Variants in PARD3B observed in about 807,000 individuals in gnomAD.
The protein encoded by PARD3B is partitioning defective 3 homolog B.
A neutral mutation model predicts 130.2 loss-of-function variants in PARD3B; 103 were observed. The observed-to-expected ratio is 0.79, with a 90% CI of 0.67 to 0.93. PARD3B has a LOEUF of 0.93. Among genes scored for constraint, PARD3B ranks in the 40% least tolerant of loss-of-function variants. The pLI is 0.00. For missense variants in PARD3B, 1,609 were observed against 1,499.2 expected, an observed-to-expected ratio of 1.07 and a Z score of -1.21; for synonymous variants, 583 against 553.2, an observed-to-expected ratio of 1.05 and a Z score of -0.76.
At chr2:204,998,374 GTATATATGTGTGTGTATATA>G (rs1694476012) in intron 3 of PARD3B, among the ~76,000 whole-genome samples, 1 of 78,792 alleles carries the variant, frequency 1.3e-5, no homozygotes, top group Non-Finnish European at 2.7e-5. Context: ...GTGTGTGTGT[GTATATATGTGTGTGTATATA>G]TGTATATATG....
chr2:204,979,388 T>C (rs1203637635), intron 3 of PARD3B, among the ~76,000 whole-genome samples: 1 of 152,188 alleles, frequency 6.6e-6, no homozygotes, highest in East Asian at 1.9e-4. Context: ...ACATGCTTTA[T>C]CATGTCAACC....
Position 204,816,689 on chromosome 2 carries a change from G to A in PARD3B, c.222+130407G>A, listed in dbSNP as rs2043160202. Among the ~76,000 whole-genome samples, 2 of 151,432 alleles carry A rather than the reference G, an allele frequency of 1.3e-5. 1 individual carries two copies. Among genetic ancestry groups the A allele is most frequent in the South Asian group, 4.1e-4 (2 of 4,820 alleles). ...TTAAGATTATTTTTTTTTTACCACT[G>A]ATTTTAAATGATTTGATTATGTTGT... On this transcript the variant is annotated intron_variant, in intron 2 of 22. Coordinates refer to ENST00000406610, the MANE Select transcript of PARD3B (RefSeq NM_001302769.2).
At chr2:204,883,013 G>A (rs1575206652) in intron 2 of PARD3B, among the ~76,000 whole-genome samples, 2 of 152,248 alleles carry the variant, frequency 1.3e-5, no homozygotes, top group East Asian at 3.9e-4. Flanking sequence ...ACACCTTGTA[G>A]TCTATGTCTA....
intron 2 of PARD3B, among the ~76,000 whole-genome samples, chr2:204,885,622 T>C (rs907683909): frequency 6.6e-6 from 1 of 152,242 alleles, no homozygotes; most frequent in Non-Finnish European, 1.5e-5. Flanking sequence ...ATGGAAACTT[T>C]ATTCAAGATC....
At chr2:205,042,820 C>T (rs914624447) in intron 3 of PARD3B, among the ~76,000 whole-genome samples, 1 of 151,366 alleles carries the variant, frequency 6.6e-6, no homozygotes, top group African/African-American at 2.4e-5. Context: ...ATCTTAATAT[C>T]CTCATCCCTT....
chr2:204,775,708 T>A lies in PARD3B; in HGVS notation c.222+89426T>A, dbSNP rs1327729849. On this transcript the variant is annotated intron_variant, in intron 2 of 22. Coordinates refer to ENST00000406610, the MANE Select transcript of PARD3B (RefSeq NM_001302769.2). Reference sequence around the variant, plus strand: ...TACCTCCCCATTTTAAAGTCCCAGATATCAAGTAATTCTGCTTACTTGGCT... The same window carrying A: ...TACCTCCCCATTTTAAAGTCCCAGAAATCAAGTAATTCTGCTTACTTGGCT... Among the ~76,000 whole-genome samples the A allele has an allele frequency of 2.0e-5, 3 of 152,192 alleles. No individual in the cohort carries two copies. In the East Asian group the frequency reaches 5.8e-4, roughly 29 times the overall value.
intron 19 of PARD3B, among the ~76,000 whole-genome samples, chr2:205,432,753 C>G (rs2047380770): frequency 6.6e-6 from 1 of 151,886 alleles, no homozygotes; most frequent in Admixed American, 6.6e-5. Context: ...CCATGTGTAG[C>G]TAGTAGCTGC....
intron 4 of PARD3B, among the ~76,000 whole-genome samples, chr2:205,089,925 A>T (rs1002602277): frequency 9.9e-5 from 15 of 152,246 alleles, no homozygotes; most frequent in Non-Finnish European, 1.5e-4. Flanking sequence ...TTTTGCGTCC[A>T]GTTGCCATTC....
At chr2:205,350,074 A>C (rs1405765022) in intron 18 of PARD3B, among the ~76,000 whole-genome samples, 1 of 152,108 alleles carries the variant, frequency 6.6e-6, no homozygotes, top group East Asian at 1.9e-4. Context: ...TTCTTTAGTT[A>C]GATCAGTAGT....
At chr2:205,193,156 A>G (rs780544732) in intron 14 of PARD3B, 49 bp from the exon 15 acceptor site, 14 of 1,371,094 alleles carry the variant, frequency 1.0e-5, no homozygotes, top group Middle Eastern at 3.6e-4. Flanking sequence ...CTCATTTTTT[A>G]AAAGATTTTA....
In PARD3B at chr2:205,562,279, G is replaced by A. The variant is rs144252148; in HGVS notation, c.3260+8876G>A. Among the ~76,000 whole-genome samples the A allele has an allele frequency of 5.9e-5, 9 of 152,220 alleles. No homozygotes were observed. The East Asian group carries it at 1.3e-3, about 23-fold the overall frequency. On this transcript the variant is annotated intron_variant, in intron 22 of 22. Coordinates refer to ENST00000406610, the MANE Select transcript of PARD3B (RefSeq NM_001302769.2). This position sits in a 1 kb window ranked among gnomAD's most constrained non-coding sequence, Gnocchi z 5.4. ...TTTGATATTAATTATTCAGTCAAAG[G>A]CCTCCATTATGAGTTTAGTTAGAAT...
intron 4 of PARD3B, 89 bp from the exon 5 acceptor site, chr2:205,104,337 C>T (rs535978729): frequency 9.6e-5 from 85 of 889,786 alleles, no homozygotes; most frequent in African/African-American, 4.9e-4. Context: ...CAGCGTAAAG[C>T]GGTTTACTCT....
chr2:205,378,839 C>G (rs2105928028), intron 18 of PARD3B, among the ~76,000 whole-genome samples: 1 of 151,512 alleles, frequency 6.6e-6, no homozygotes, highest in South Asian at 2.1e-4. Context: ...ACTATGTTGG[C>G]CAGGATGGTC....
chr2:205,123,089 G>C (rs896480678), intron 8 of PARD3B, among the ~76,000 whole-genome samples: 1 of 152,140 alleles, frequency 6.6e-6, no homozygotes, highest in Non-Finnish European at 1.5e-5. Flanking sequence ...CTGTACTTTG[G>C]CAAGATTAAT....
chr2:204,905,517 ATATAC>A (rs1239703653), intron 2 of PARD3B, among the ~76,000 whole-genome samples: 1 of 152,214 alleles, frequency 6.6e-6, no homozygotes, highest in Admixed American at 6.5e-5. Context: ...CCAAATATAA[ATATAC>A]TCTGGATCAC....
chr2:204,930,993 A>T (rs1481917055), intron 2 of PARD3B, among the ~76,000 whole-genome samples: 2 of 152,130 alleles, frequency 1.3e-5, no homozygotes, highest in African/African-American at 4.8e-5. Context: ...TTCTGTTTAA[A>T]CAAGAAAGTA....
In PARD3B at chr2:205,473,654, ATGTGTGTGTG is replaced by A. The variant is rs751534704; in HGVS notation, c.3045-26224_3045-26215del. Among the ~76,000 whole-genome samples, 14 of 123,678 alleles carry A rather than the reference ATGTGTGTGTG, an allele frequency of 1.1e-4. No homozygotes were observed. The highest frequency in any genetic ancestry group is 6.4e-4 in the East Asian group (3 of 4,660). 81.1% of individuals were successfully genotyped at this position (123,678 alleles called of 152,430 possible). On this transcript the variant is annotated intron_variant, in intron 20 of 22. Transcript: ENST00000406610. The surrounding 1 kb of genome is among the most constrained non-coding windows in gnomAD (Gnocchi z 4.9). ...TGTTTCCCAATATAAGGTTATATAT[ATGTGTGTGTG>A]TGTGTGTGTGTGTGTGTATGTATAT...
chr2:204,594,332 C>T (rs375394905), intron 1 of PARD3B, among the ~76,000 whole-genome samples: 4 of 152,318 alleles, frequency 2.6e-5, no homozygotes, highest in Admixed American at 1.3e-4. Flanking sequence ...TCCTTTTCCA[C>T]AGAGTTTACC....
At chr2:205,037,892 C>A (rs1559377518) in intron 3 of PARD3B, among the ~76,000 whole-genome samples, 1 of 152,054 alleles carries the variant, frequency 6.6e-6, no homozygotes, top group Non-Finnish European at 1.5e-5. Context: ...GTTACTAAGG[C>A]TCCTCTTGGC....
Sources: allele counts gnomAD v4.1 joint callset (sites outside exome capture counted in the v4.1 genomes callset), GRCh38; gene constraint gnomAD v4.1.1; non-coding constraint Gnocchi (gnomAD v3.1); transcripts MANE v1.5; gene names NCBI Gene and HGNC (gene_info 2026-07-23, HGNC 2026-07-21).